Variants in ANKS1B observed in about 807,000 individuals in gnomAD.
ANKS1B encodes ankyrin repeat and sterile alpha motif domain containing 1B.
Under a neutral mutation model 148.3 loss-of-function variants are expected in ANKS1B, and 36 were observed. The observed-to-expected ratio is 0.24, with a 90% CI of 0.19 to 0.32. The LOEUF is 0.32. ANKS1B is among the 10% of genes least tolerant of loss of function. The probability of loss-of-function intolerance (pLI) is 1.00; values close to 1 mark genes in which losing one functional copy is unlikely to be tolerated. For missense variants in ANKS1B, 1,157 were observed against 1,542.6 expected (o/e 0.75, Z 4.19); for synonymous variants, 542 against 560.8 (o/e 0.97, Z 0.47).
chr12:98,838,396 C>T (rs766494954), intron 17 of ANKS1B, among the ~76,000 whole-genome samples: 4 of 152,284 alleles, frequency 2.6e-5, no homozygotes, highest in East Asian at 3.9e-4. Context: ...CGTTTATTGC[C>T]GGCTGGACCA....
chr12:99,396,927 C>T (rs552619747), intron 12 of ANKS1B, among the ~76,000 whole-genome samples: 2 of 152,140 alleles, frequency 1.3e-5, no homozygotes, highest in South Asian at 4.1e-4. Flanking sequence ...TCTGTCATTG[C>T]CCCATTTTAG....
intron 12 of ANKS1B, among the ~76,000 whole-genome samples, chr12:99,321,723 C>T (rs2085315389): frequency 6.6e-6 from 1 of 152,190 alleles, no homozygotes; most frequent in Non-Finnish European, 1.5e-5. Flanking sequence ...TGAGATGAAC[C>T]CAGTGCCTCA....
chr12:99,670,444 G>A (rs925312919), intron 8 of ANKS1B, among the ~76,000 whole-genome samples: 1 of 151,904 alleles, frequency 6.6e-6, no homozygotes, highest in Non-Finnish European at 1.5e-5. Context: ...TAATTTCATT[G>A]CTACTTAACT....
chr12:99,851,856 T>C (rs2087911015), intron 1 of ANKS1B, among the ~76,000 whole-genome samples: 1 of 152,198 alleles, frequency 6.6e-6, no homozygotes, highest in Non-Finnish European at 1.5e-5. Flanking sequence ...AACTATGCTA[T>C]TCAGAACCCT....
intron 9 of ANKS1B, among the ~76,000 whole-genome samples, chr12:99,604,732 T>A (rs965833622): frequency 2.6e-4 from 39 of 151,100 alleles, no homozygotes; most frequent in African/African-American, 9.0e-4. Context: ...GGAGAATTGT[T>A]TGAACCCGGG....
intron 10 of ANKS1B, among the ~76,000 whole-genome samples, chr12:99,473,220 A>G (rs748497205): frequency 5.3e-5 from 8 of 152,038 alleles, no homozygotes; most frequent in Non-Finnish European, 1.2e-4. Flanking sequence ...CATTAATATC[A>G]TATGACAATT....
chr12:98,778,620 G>A (rs1030195432), intron 24 of ANKS1B, among the ~76,000 whole-genome samples: 2 of 152,048 alleles, frequency 1.3e-5, no homozygotes, highest in Non-Finnish European at 1.5e-5. Flanking sequence ...AGGTGTCCTC[G>A]CACACACTGC....
chr12:99,609,865 A>C (rs2097885485), intron 9 of ANKS1B, among the ~76,000 whole-genome samples: 1 of 152,112 alleles, frequency 6.6e-6, no homozygotes, highest in Non-Finnish European at 1.5e-5. Context: ...AATACAGATA[A>C]AATTTTACCA....
At chr12:99,721,731 C>T (rs7957742) in intron 8 of ANKS1B, among the ~76,000 whole-genome samples, 66,137 of 151,922 alleles carry the variant, frequency 0.44, 14,772 homozygotes, top group South Asian at 0.61. Flanking sequence ...CACACTGATG[C>T]GCATGAAACT....
chr12:98,974,257 A>G (rs1597847895), intron 17 of ANKS1B, among the ~76,000 whole-genome samples: 1 of 152,210 alleles, frequency 6.6e-6, no homozygotes, highest in Non-Finnish European at 1.5e-5. Flanking sequence ...AATGAGTAAG[A>G]GTTAAGATAA....
chr12:98,941,669 CTG>C (rs2099836941), intron 17 of ANKS1B, among the ~76,000 whole-genome samples: 1 of 152,228 alleles, frequency 6.6e-6, no homozygotes, highest in Non-Finnish European at 1.5e-5. Context: ...CAGGGCAAAT[CTG>C]CCCCTCGTGG....
chr12:99,342,109 T>A (rs1431069897), intron 12 of ANKS1B, among the ~76,000 whole-genome samples: 4 of 152,070 alleles, frequency 2.6e-5, no homozygotes. Flanking sequence ...AAAACGCGCA[T>A]AGTTCCTGAT....
rs764134048 is a variant in ANKS1B, at chr12:99,504,635, A to G, written c.1279T>C (p.Tyr427His). ...LGFPMLAQESYPKKRNYTMEI... is the reference protein window; with the variant it reads ...LGFPMLAQESHPKKRNYTMEI... ...ATAGTGTAATTTCTCTTCTTTGGAT[A>G]GGACTCCTGAAAAGAAGAAAAAATA... Residue 427 changes from tyrosine to histidine, a missense_variant, in exon 10 of 27, where the codon TAT becomes CAT. Tyr to His is a moderately conservative substitution (Grantham distance 83). This residue lies in a region of ANKS1B where 661 missense variants were observed against 642.1 expected (regional missense o/e 1.03). Transcript: ENST00000683438. 1.9e-6 allele frequency: 3 copies of G among 1,561,170 alleles called. No individual in the cohort carries two copies. Among genetic ancestry groups the G allele is most frequent in the East Asian group, 2.3e-5 (1 of 43,890 alleles).
chr12:99,862,782 T>C (rs995011260), intron 1 of ANKS1B, among the ~76,000 whole-genome samples: 1 of 152,158 alleles, frequency 6.6e-6, no homozygotes, highest in East Asian at 1.9e-4. Context: ...CATGAGACAC[T>C]TTTACTGCGA....
At chr12:99,983,770 G>A (rs927657947) in intron 1 of ANKS1B, among the ~76,000 whole-genome samples, 3 of 152,152 alleles carry the variant, frequency 2.0e-5, no homozygotes, top group Admixed American at 2.0e-4. Context: ...GTTCAAAGCT[G>A]CAAATATGTA....
intron 4 of ANKS1B, among the ~76,000 whole-genome samples, chr12:99,801,688 A>T (rs1602444245): frequency 6.6e-6 from 1 of 152,148 alleles, no homozygotes; most frequent in East Asian, 1.9e-4. Flanking sequence ...AAGATGAGAA[A>T]TATTACATCT....
At chr12:99,753,120 G>A (rs1365014262) in intron 8 of ANKS1B, among the ~76,000 whole-genome samples, 1 of 152,000 alleles carries the variant, frequency 6.6e-6, no homozygotes, top group Admixed American at 6.6e-5. Flanking sequence ...TCCAATTAAT[G>A]TTTTTAATAG....
intron 9 of ANKS1B, among the ~76,000 whole-genome samples, chr12:99,644,185 T>C (rs964099785): frequency 1.3e-5 from 2 of 152,220 alleles, no homozygotes; most frequent in Non-Finnish European, 2.9e-5. Flanking sequence ...CCATAGAATA[T>C]AATTCCTCTA....
At chr12:98,814,941 G>A (rs777048909) in intron 19 of ANKS1B, among the ~76,000 whole-genome samples, 19 of 152,048 alleles carry the variant, frequency 1.2e-4, no homozygotes, top group Non-Finnish European at 2.2e-4. Flanking sequence ...TGCATGTCTC[G>A]CTCTTGTTAC....
Sources: gnomAD v4.1 joint callset for allele counts (sites outside exome capture counted in the v4.1 genomes callset) on GRCh38, gnomAD v4.1.1 for gene constraint, gnomAD v4.1.1 regional missense constraint, MANE v1.5 for transcripts, NCBI Gene and HGNC (gene_info 2026-07-23, HGNC 2026-07-21) for gene names.